Variants in LANCL3 observed in about 807,000 individuals in gnomAD.
LANCL3 encodes the protein LanC like family member 3, also known as lanC-like protein 3.
LANCL3 carries 19 observed loss-of-function variants against 26.5 expected under a neutral mutation model. The observed-to-expected ratio is 0.72, with a 90% CI of 0.50 to 1.05. LANCL3 has a LOEUF of 1.05. Ranked by LOEUF, LANCL3 falls within the 50% of genes least tolerant of loss-of-function variation. The probability of loss-of-function intolerance (pLI) is 0.00; values close to 1 mark genes in which losing one functional copy is unlikely to be tolerated. For missense variants in LANCL3, 318 were observed against 362.7 expected (o/e 0.88, Z 1.00); for synonymous variants, 160 against 166.6 (o/e 0.96, Z 0.30).
At chrX:37,664,175 G>A (rs1329069464) in intron 3 of LANCL3, among the ~76,000 whole-genome samples, 1 of 111,659 alleles carries the variant, frequency 9.0e-6, no homozygotes, top group African/African-American at 3.3e-5. Flanking sequence ...GTCATCAACA[G>A]CATCCAGTAC....
chrX:37,673,518 A>G (rs183117813), intron 4 of LANCL3, among the ~76,000 whole-genome samples: 3 of 111,025 alleles, frequency 2.7e-5, no homozygotes, highest in Non-Finnish European at 1.9e-5. Flanking sequence ...TAGTCCTGTA[A>G]TTAGCATGCT....
At chrX:37,591,020 G>A (rs1924256732) in intron 1 of LANCL3, among the ~76,000 whole-genome samples, 1 of 111,921 alleles carries the variant, frequency 8.9e-6, no homozygotes, top group Non-Finnish European at 1.9e-5. Context: ...GCATATGGCA[G>A]CAGTACCATA....
At chrX:37,631,168 G>A (rs147525152) in intron 1 of LANCL3, among the ~76,000 whole-genome samples, 1,545 of 111,645 alleles carry the variant, frequency 0.014, 28 homozygotes, top group African/African-American at 0.047. Context: ...TTTCTTCCTG[G>A]TTTATTGTTG....
rs185832660 is a variant in LANCL3, at chrX:37,641,432, C to A, written c.574-14256C>A. ...AATTTTCCAACCATGGTTACCAGAC[C>A]CCCCGACATACCCCGTAGCTTTAGG... On this transcript the variant is annotated intron_variant, in intron 1 of 4. Coordinates refer to ENST00000378619, the MANE Select transcript of LANCL3 (RefSeq NM_001170331.2). 1.1e-4 allele frequency among the ~76,000 whole-genome samples: 12 copies of A among 110,051 alleles called. No homozygotes were observed. The East Asian group carries it at 3.1e-3, about 29-fold the overall frequency.
At position 37,572,364 on chromosome X, in the gene LANCL3, G is replaced by A. The variant is rs782450635; in HGVS notation, c.494G>A (p.Cys165Tyr). Residue 165 changes from cysteine to tyrosine, a missense_variant, in exon 1 of 5, where the codon TGC becomes TAC. Transcript: ENST00000378619. Reference protein sequence around the residue: ...AVCAPVSFLECGSDELFVGRA... With the variant: ...AVCAPVSFLEYGSDELFVGRA... ...TGCGCGCCGGTCTCCTTCCTGGAGT[G>A]CGGCTCCGACGAGCTGTTCGTGGGC... 5 of 1,167,287 alleles carry A rather than the reference G, an allele frequency of 4.3e-6. No individual in the cohort carries two copies. The African/African-American group carries it at 8.9e-5, about 21-fold the overall frequency.
At chrX:37,598,490 A>T (rs1314629429) in intron 1 of LANCL3, among the ~76,000 whole-genome samples, 1 of 112,104 alleles carries the variant, frequency 8.9e-6, no homozygotes, top group Non-Finnish European at 1.9e-5. Context: ...TGTCTTTTGT[A>T]AGATGCATTT....
intron 1 of LANCL3, among the ~76,000 whole-genome samples, chrX:37,639,826 GTTTGT>G (rs201512003): frequency 0.067 from 7,409 of 109,828 alleles, 664 homozygotes; most frequent in African/African-American, 0.23. Context: ...ATCTCTGTTT[GTTTGT>G]TTTGTTTTGT....
intron 1 of LANCL3, among the ~76,000 whole-genome samples, chrX:37,586,183 C>A (rs1556417973): frequency 8.9e-6 from 1 of 112,052 alleles, no homozygotes; most frequent in African/African-American, 3.3e-5. Context: ...GTTTGATGGG[C>A]TTCCCTTTGT....
intron 1 of LANCL3, among the ~76,000 whole-genome samples, chrX:37,576,881 A>G (rs145816481): frequency 0.018 from 2,003 of 111,956 alleles, 37 homozygotes; most frequent in African/African-American, 0.062. Flanking sequence ...GCAGAGGGCA[A>G]GAGCCCCTAA....
At chrX:37,600,081 C>T (rs1360054116) in intron 1 of LANCL3, among the ~76,000 whole-genome samples, 3 of 111,775 alleles carry the variant, frequency 2.7e-5, no homozygotes, top group Admixed American at 9.5e-5. Flanking sequence ...TAAAGTAGCC[C>T]CCCCTTATCC....
intron 1 of LANCL3, among the ~76,000 whole-genome samples, chrX:37,632,743 G>A (rs1556424695): frequency 9.0e-6 from 1 of 111,202 alleles, no homozygotes; most frequent in African/African-American, 3.3e-5. Context: ...GAAATTCTGG[G>A]TTGAAAATTC....
In LANCL3 at chrX:37,588,334, C is replaced by CT. The variant is rs1241427343; in HGVS notation, c.573+15894dup. Among the ~76,000 whole-genome samples the CT allele has an allele frequency of 4.5e-5, 5 of 111,386 alleles. No homozygotes were observed. In the Middle Eastern group the frequency reaches 0.014, roughly 307 times the overall value. ...TCAACAGTTCGTGATGTGTCCAAGTCTTTCTCTTCATGATTCAACTTTACA... is the reference window on the plus strand; with the variant it reads ...TCAACAGTTCGTGATGTGTCCAAGTCTTTTCTCTTCATGATTCAACTTTACA... On this transcript the variant is annotated intron_variant, in intron 1 of 4. Coordinates refer to ENST00000378619, the MANE Select transcript of LANCL3 (RefSeq NM_001170331.2).
chrX:37,631,660 C>G (rs1282179918), intron 1 of LANCL3, among the ~76,000 whole-genome samples: 1 of 111,098 alleles, frequency 9.0e-6, no homozygotes. Flanking sequence ...TGTCTTTGTT[C>G]TCGTTGGTTT....
intron 1 of LANCL3, among the ~76,000 whole-genome samples, chrX:37,578,975 A>G (rs1395338101): frequency 7.4e-5 from 7 of 94,048 alleles, no homozygotes; most frequent in Non-Finnish European, 1.5e-4. Flanking sequence ...GTGAGACTCC[A>G]TCTCTAAAAA....
rs782757952 is a variant in LANCL3, at chrX:37,681,708, T to C, written c.*5895T>C. ...GACGTTGTTTAGTTGTTGAGTTCTG[T>C]GTCTATAAGAATCCTAGAAATTGCC... is the stretch of plus-strand genomic sequence containing the variant. On this transcript the variant is annotated 3_prime_UTR_variant, in exon 5 of 5. Transcript: ENST00000378619. 2 of 112,319 alleles carry C rather than the reference T, an allele frequency of 1.8e-5. No homozygotes were observed. Among genetic ancestry groups the C allele is most frequent in the African/African-American group, 6.5e-5 (2 of 30,880 alleles). The allele number at this position is 112,319 out of a possible 1,213,427, so 9.3% of individuals were successfully genotyped here.
intron 1 of LANCL3, among the ~76,000 whole-genome samples, chrX:37,586,523 T>C (rs1238794788): frequency 5.4e-5 from 6 of 111,822 alleles, no homozygotes; most frequent in African/African-American, 1.6e-4. Flanking sequence ...TCTAAACTTC[T>C]CTTCTCGCTT....
intron 1 of LANCL3, among the ~76,000 whole-genome samples, chrX:37,648,134 T>C (rs185908099): frequency 1.8e-5 from 2 of 112,294 alleles, no homozygotes; most frequent in Admixed American, 1.9e-4. Context: ...GAACAATATC[T>C]TCAACAGCAG....
chrX:37,629,950 A>G (rs1925441195), intron 1 of LANCL3, among the ~76,000 whole-genome samples: 3 of 111,317 alleles, frequency 2.7e-5, no homozygotes, highest in African/African-American at 9.8e-5. Flanking sequence ...TTGGTTCCAT[A>G]TGAACTTTAA....
At chrX:37,663,747 A>G (rs782331985) in intron 3 of LANCL3, among the ~76,000 whole-genome samples, 1 of 111,326 alleles carries the variant, frequency 9.0e-6, no homozygotes, top group East Asian at 2.8e-4. Context: ...GAGGCCAGCA[A>G]GAGCAGGGTC....
Sources: gnomAD v4.1 joint callset for allele counts (sites outside exome capture counted in the v4.1 genomes callset) on GRCh38, gnomAD v4.1.1 for gene constraint, MANE v1.5 for transcripts, NCBI Gene and HGNC (gene_info 2026-07-23, HGNC 2026-07-21) for gene names.